The following CFAP77 variants were observed in gnomAD, a reference collection of about 807,000 sequenced individuals.
CFAP77 encodes cilia- and flagella-associated protein 77.
A neutral mutation model predicts 31.1 loss-of-function variants in CFAP77; 25 were observed. That is an observed-to-expected ratio of 0.80 (90% CI 0.59 to 1.12). CFAP77 has a LOEUF of 1.12. Ranked by LOEUF, CFAP77 falls within the 50% of genes most tolerant of loss-of-function variation. The pLI, the probability that CFAP77 is intolerant of heterozygous loss-of-function variation, is 0.00. For missense variants in CFAP77, 377 were observed against 397.3 expected, an observed-to-expected ratio of 0.95 and a Z score of 0.44; for synonymous variants, 151 against 159.9, an observed-to-expected ratio of 0.94 and a Z score of 0.42.
chr9:132,499,931 G>A lies in CFAP77; in HGVS notation c.524+331G>A, dbSNP rs10120399. On this transcript the variant is annotated intron_variant, in intron 3 of 5. Transcript: ENST00000393216. The surrounding 1 kb of genome is among the most constrained non-coding windows in gnomAD (Gnocchi z 5.4). ...TTTGGGAGGCCCATGTAGGAGGATCGCTTGAGTCCAGGAATTCGAGGCCAG... is the reference window on the plus strand; with the variant it reads ...TTTGGGAGGCCCATGTAGGAGGATCACTTGAGTCCAGGAATTCGAGGCCAG... 0.16 allele frequency among the ~76,000 whole-genome samples: 23,928 copies of A among 152,094 alleles called. 2,025 individuals are homozygous for A. The highest frequency in any genetic ancestry group is 0.19 in the East Asian group (974 of 5,168).
At chr9:132,412,625 TTTTTG>T (rs1295099549) in intron 1 of CFAP77, among the ~76,000 whole-genome samples, 3 of 151,850 alleles carry the variant, frequency 2.0e-5, no homozygotes, top group African/African-American at 7.3e-5. Flanking sequence ...TGCTTTTTTT[TTTTTG>T]TTTGTTTGTT....
intron 1 of CFAP77, among the ~76,000 whole-genome samples, chr9:132,488,451 C>T (rs1234561480): frequency 2.0e-5 from 3 of 152,170 alleles, no homozygotes; most frequent in East Asian, 3.9e-4. Flanking sequence ...TTAAGAGGTA[C>T]AGCTGTTTTG....
At chr9:132,482,564 G>A in intron 1 of CFAP77, 1 of 671,820 alleles carries the variant, frequency 1.5e-6, no homozygotes. Flanking sequence ...ATTACGCCAT[G>A]GGGTGGGGAC....
intron 3 of CFAP77, among the ~76,000 whole-genome samples, chr9:132,515,645 G>A (rs537088064): frequency 2.4e-4 from 36 of 152,130 alleles, no homozygotes; most frequent in Non-Finnish European, 4.4e-4. Flanking sequence ...CTGGAAAGGA[G>A]GAATTCCCTC....
rs1352116775 is a variant in CFAP77, at chr9:132,572,630, CTCAGAT to C, written c.*124_*129del. On this transcript the variant is annotated 3_prime_UTR_variant, in exon 6 of 6. Transcript: ENST00000393216. ...TTTATGCAGGTTCTGCTTCAAGGAG[CTCAGAT>C]TCAAGTCTTAGGCTAATTGTTTTTG... is the stretch of plus-strand genomic sequence containing the variant. The C allele has an allele frequency of 6.7e-6, 7 of 1,040,774 alleles. No individual in the cohort carries two copies. The East Asian group carries it at 1.9e-4, about 28-fold the overall frequency. 64.5% of individuals were successfully genotyped at this position (1,040,774 alleles called of 1,614,324 possible).
chr9:132,453,517 C>G (rs947324650), intron 1 of CFAP77, among the ~76,000 whole-genome samples: 1 of 152,320 alleles, frequency 6.6e-6, no homozygotes, highest in Non-Finnish European at 1.5e-5. Flanking sequence ...CAGAGCGAGA[C>G]TCCGTCTCAA....
chr9:132,503,137 C>T lies in CFAP77; in HGVS notation c.524+3537C>T, dbSNP rs558264242. On this transcript the variant is annotated intron_variant, in intron 3 of 5. Coordinates refer to ENST00000393216, the MANE Select transcript of CFAP77 (RefSeq NM_001282957.2). ...CTAGAGACACCTTGGAAAGTCACTT[C>T]GGGGCTGGATTAATGAACTCCTGTA... Among the ~76,000 whole-genome samples the T allele has an allele frequency of 4.9e-4, 74 of 152,298 alleles. No homozygotes were observed. The Middle Eastern group carries it at 0.017, about 35-fold the overall frequency.
At position 132,455,704 on chromosome 9, in the gene CFAP77, C is replaced by G. The variant is rs376562012; in HGVS notation, c.196-42991C>G. 2.3e-4 allele frequency among the ~76,000 whole-genome samples: 35 copies of G among 152,192 alleles called. No individual in the cohort carries two copies. The South Asian group carries it at 7.0e-3, about 31-fold the overall frequency. On this transcript the variant is annotated intron_variant, in intron 1 of 5. Coordinates refer to ENST00000393216, the MANE Select transcript of CFAP77 (RefSeq NM_001282957.2). This position sits in a 1 kb window ranked among gnomAD's most constrained non-coding sequence, Gnocchi z 4.1. ...TGAGATCGCACTACTGCACTCTGGC[C>G]TGGGTGACAGAGCAAGACTGTCTCA...
chr9:132,512,376 C>A (rs1852055197), intron 3 of CFAP77, among the ~76,000 whole-genome samples: 1 of 152,164 alleles, frequency 6.6e-6, no homozygotes, highest in Non-Finnish European at 1.5e-5. Context: ...TCTGCAAAGA[C>A]CTCTTTTCCA....
intron 1 of CFAP77, among the ~76,000 whole-genome samples, chr9:132,453,260 C>G (rs1288251827): frequency 6.6e-6 from 1 of 152,214 alleles, no homozygotes; most frequent in African/African-American, 2.4e-5. Flanking sequence ...CGCAGTGGCT[C>G]ACACCTGTAA....
chr9:132,496,209 A>G, intron 1 of CFAP77, among the ~76,000 whole-genome samples: 2 of 152,272 alleles, frequency 1.3e-5, no homozygotes, highest in East Asian at 3.9e-4. Context: ...ATTTTTTTAA[A>G]AAAAACCTTA....
chr9:132,438,542 T>TATATATA (rs1491134869), intron 1 of CFAP77, among the ~76,000 whole-genome samples: 13 of 81,944 alleles, frequency 1.6e-4, no homozygotes, highest in South Asian at 1.3e-3. Flanking sequence ...TATATATATA[T>TATATATA]TTTTTTTTTT....
In CFAP77 at chr9:132,542,966, T is replaced by TGAGA; in HGVS notation, c.652_655dup (p.Thr219ArgfsTer33). On this transcript the variant is annotated frameshift_variant, in exon 5 of 6. Coordinates refer to ENST00000393216, the MANE Select transcript of CFAP77 (RefSeq NM_001282957.2). LOFTEE classifies it high-confidence loss of function. ...TACAGGTGGTCCTTGGGAAGCTGTA[T>TGAGA]GAGACCCGGAGCAGTCAGCTGAGGA... 2 of 1,613,756 alleles carry TGAGA rather than the reference T, an allele frequency of 1.2e-6. No homozygotes were observed. Among genetic ancestry groups the TGAGA allele is most frequent in the Non-Finnish European group, 1.7e-6 (2 of 1,179,630 alleles).
chr9:132,485,503 A>G (rs1418899395), intron 1 of CFAP77, among the ~76,000 whole-genome samples: 2 of 152,168 alleles, frequency 1.3e-5, no homozygotes. Flanking sequence ...TTGGATTGCC[A>G]TGTGACAGGG....
intron 1 of CFAP77, among the ~76,000 whole-genome samples, chr9:132,461,065 TA>T (rs1203408002): frequency 1.3e-5 from 2 of 151,610 alleles, no homozygotes; most frequent in Admixed American, 6.6e-5. Flanking sequence ...TCACCTAAAT[TA>T]AAAAAAAATT....
intron 1 of CFAP77, among the ~76,000 whole-genome samples, chr9:132,420,275 GGGCT>G (rs1850189781): frequency 1.3e-5 from 2 of 152,010 alleles, no homozygotes; most frequent in African/African-American, 4.8e-5. Context: ...TGATGAGGTT[GGGCT>G]GGGCCTGTAG....
Position 132,540,407 on chromosome 9 carries a change from T to G in CFAP77, c.631-2539T>G, listed in dbSNP as rs530192626. On this transcript the variant is annotated intron_variant, in intron 4 of 5. Coordinates refer to ENST00000393216, the MANE Select transcript of CFAP77 (RefSeq NM_001282957.2). ...TGTGGCTGAGTGAGTCTCTCTTTGT[T>G]GGGGTCTTGGTTTCTGCATTGGGTG... 1.1e-4 allele frequency among the ~76,000 whole-genome samples: 17 copies of G among 152,294 alleles called. No individual in the cohort carries two copies. The East Asian group carries it at 3.3e-3, about 29-fold the overall frequency.
At chr9:132,459,790 A>G (rs1412812417) in intron 1 of CFAP77, among the ~76,000 whole-genome samples, 2 of 146,032 alleles carry the variant, frequency 1.4e-5, no homozygotes, top group Non-Finnish European at 3.0e-5. Flanking sequence ...GCGTGTGTGT[A>G]TGTGAGAGCG....
At chr9:132,458,615 C>A (rs1038659607) in intron 1 of CFAP77, among the ~76,000 whole-genome samples, 7 of 152,214 alleles carry the variant, frequency 4.6e-5, no homozygotes, top group South Asian at 2.1e-4. Flanking sequence ...TCCGGTGGAA[C>A]TTTCTGGAGG....
Sources: allele counts gnomAD v4.1 joint callset (sites outside exome capture counted in the v4.1 genomes callset), GRCh38; gene constraint gnomAD v4.1.1; non-coding constraint Gnocchi (gnomAD v3.1); transcripts MANE v1.5; gene names NCBI Gene and HGNC (gene_info 2026-07-23, HGNC 2026-07-21).